Variants in TMEM132D observed in about 807,000 individuals in gnomAD.
TMEM132D encodes the protein mature OL transmembrane protein.
TMEM132D carries 21 observed loss-of-function variants against 62.3 expected under a neutral mutation model. That is an observed-to-expected ratio of 0.34 (90% confidence interval 0.24 to 0.49). The LOEUF is 0.49. Among genes scored for constraint, TMEM132D ranks in the 20% least tolerant of loss-of-function variants. The probability of loss-of-function intolerance (pLI) is 0.99; values close to 1 mark genes in which losing one functional copy is unlikely to be tolerated. For missense variants in TMEM132D, 1,346 were observed against 1,402.8 expected, an observed-to-expected ratio of 0.96 and a Z score of 0.65; for synonymous variants, 621 against 575.6, an observed-to-expected ratio of 1.08 and a Z score of -1.13.
chr12:129,897,068 A>G (rs1875164502), intron 1 of TMEM132D, among the ~76,000 whole-genome samples: 1 of 152,216 alleles, frequency 6.6e-6, no homozygotes, highest in African/African-American at 2.4e-5. Flanking sequence ...GGAAGCACCT[A>G]GCCTCTGACT....
At chr12:129,642,281 T>C (rs1027380946) in intron 2 of TMEM132D, among the ~76,000 whole-genome samples, 1 of 152,226 alleles carries the variant, frequency 6.6e-6, no homozygotes, top group Non-Finnish European at 1.5e-5. Flanking sequence ...CTAAAAACAG[T>C]ATCATCAGAT....
At chr12:129,682,859 T>TTAAAAAA (rs763532372) in intron 2 of TMEM132D, 2 of 81,270 alleles carry the variant, frequency 2.5e-5, no homozygotes, top group African/African-American at 1.0e-4. Flanking sequence ...ACTCCATCTC[T>TTAAAAAA]AAAAAAAAAA....
chr12:129,688,943 G>T lies in TMEM132D; in HGVS notation c.968+10867C>A, dbSNP rs527780945. ...TCTAGTCCAGGATTCTCTAACCAGA[G>T]GTTATTGCGTCCCTTGGGGATATCT... On this transcript the variant is annotated intron_variant, in intron 2 of 8. Transcript: ENST00000422113. 2.0e-5 allele frequency among the ~76,000 whole-genome samples: 3 copies of T among 152,198 alleles called. No individual in the cohort carries two copies. In the South Asian group the frequency reaches 6.2e-4, roughly 32 times the overall value.
chr12:129,725,635 C>A (rs1427136430), intron 1 of TMEM132D, among the ~76,000 whole-genome samples: 2 of 152,156 alleles, frequency 1.3e-5, no homozygotes, highest in African/African-American at 4.8e-5. Flanking sequence ...GTATGTGTGC[C>A]AATATATGTA....
intron 1 of TMEM132D, among the ~76,000 whole-genome samples, chr12:129,860,613 T>C (rs924472911): frequency 1.3e-5 from 2 of 152,244 alleles, no homozygotes; most frequent in Non-Finnish European, 2.9e-5. Context: ...TAATTTTATC[T>C]AGCTATGTCA....
intron 2 of TMEM132D, among the ~76,000 whole-genome samples, chr12:129,589,206 C>T (rs1404248064): frequency 6.6e-6 from 1 of 152,130 alleles, no homozygotes; most frequent in African/African-American, 2.4e-5. Context: ...TTACCCCATA[C>T]TGTTCTCATT....
intron 2 of TMEM132D, among the ~76,000 whole-genome samples, chr12:129,550,235 T>A (rs1593062271): frequency 4.4e-4 from 1 of 2,280 alleles, no homozygotes; most frequent in Non-Finnish European, 7.7e-4. Context: ...CATACTGGTA[T>A]TTTTTTTTCT....
chr12:129,600,346 C>T (rs887284677), intron 2 of TMEM132D, among the ~76,000 whole-genome samples: 2 of 152,216 alleles, frequency 1.3e-5, no homozygotes, highest in Admixed American at 1.3e-4. Context: ...GCTGTTTCCA[C>T]ACCTGCGGTG....
At chr12:129,826,499 G>C (rs757077985) in intron 1 of TMEM132D, among the ~76,000 whole-genome samples, 1 of 152,200 alleles carries the variant, frequency 6.6e-6, no homozygotes, top group Non-Finnish European at 1.5e-5. Context: ...TGCACTGAAT[G>C]AGTGCAGCCC....
chr12:129,732,931 C>G (rs1270664598), intron 1 of TMEM132D, among the ~76,000 whole-genome samples: 2 of 152,140 alleles, frequency 1.3e-5, no homozygotes, highest in Non-Finnish European at 2.9e-5. Flanking sequence ...TCTCTGGACA[C>G]CAAGGCTCCA....
intron 5 of TMEM132D, among the ~76,000 whole-genome samples, chr12:129,102,358 A>G (rs1236419617): frequency 1.3e-5 from 2 of 151,906 alleles, no homozygotes; most frequent in Non-Finnish European, 2.9e-5. Flanking sequence ...TCACATATGT[A>G]CGCATGCACA....
chr12:129,622,443 G>A (rs368122733), intron 2 of TMEM132D, among the ~76,000 whole-genome samples: 75 of 152,154 alleles, frequency 4.9e-4, no homozygotes, highest in African/African-American at 1.7e-3. Flanking sequence ...GATAAATTTT[G>A]GGGAACGTAT....
At chr12:129,089,965 A>G (rs1169673180) in intron 5 of TMEM132D, among the ~76,000 whole-genome samples, 1 of 152,216 alleles carries the variant, frequency 6.6e-6, no homozygotes. Context: ...TTAGCACTTA[A>G]AGGGGTGTGA....
intron 3 of TMEM132D, among the ~76,000 whole-genome samples, chr12:129,501,531 G>C (rs1348886924): frequency 6.6e-6 from 1 of 151,356 alleles, no homozygotes; most frequent in African/African-American, 2.4e-5. Context: ...TTTTGAGATG[G>C]GTGTCACTTT....
intron 3 of TMEM132D, among the ~76,000 whole-genome samples, chr12:129,407,631 G>A (rs1399331927): frequency 6.6e-6 from 1 of 152,086 alleles, no homozygotes; most frequent in Non-Finnish European, 1.5e-5. Context: ...TTTTGGCCGG[G>A]CATGGTGGCT....
rs1389364624 is a variant in TMEM132D at position 129,074,282 on chromosome 12, C to T, written c.2893G>A (p.Val965Ile). Residue 965 changes from valine to isoleucine, a missense_variant, in exon 9 of 9, where the codon GTT becomes ATT. By Grantham distance (29) the Val-to-Ile change is conservative. Transcript: ENST00000422113. ...AGCTCTGTCCGGTTGCTTAACCCAA[C>T]CCAGTCATGAGAGTGACTCATCCCT... ...QEGMSHSHDW[V>I]GLSNRTELLE... The T allele has an allele frequency of 6.2e-7, 1 of 1,613,996 alleles. No individual in the cohort carries two copies. The highest frequency in any genetic ancestry group is 1.3e-5 in the African/African-American group (1 of 74,888).
intron 5 of TMEM132D, among the ~76,000 whole-genome samples, chr12:129,105,775 TG>T (rs1875478724): frequency 6.6e-6 from 1 of 151,386 alleles, no homozygotes; most frequent in African/African-American, 2.5e-5. Context: ...CGACAGGTGC[TG>T]GAGAGGATGT....
At chr12:129,614,440 C>T (rs888099933) in intron 2 of TMEM132D, among the ~76,000 whole-genome samples, 12 of 152,156 alleles carry the variant, frequency 7.9e-5, no homozygotes, top group Admixed American at 2.6e-4. Flanking sequence ...AGTTCATTTG[C>T]AAAGGAGAAA....
chr12:129,475,351 C>T (rs10773669), intron 3 of TMEM132D, among the ~76,000 whole-genome samples: 32,770 of 152,058 alleles, frequency 0.22, 3,809 homozygotes, highest in East Asian at 0.38. Flanking sequence ...GGCATTCCAT[C>T]CTTGTGTGAA....
Sources: allele counts gnomAD v4.1 joint callset (sites outside exome capture counted in the v4.1 genomes callset), GRCh38; gene constraint gnomAD v4.1.1; transcripts MANE v1.5; gene names NCBI Gene and HGNC (gene_info 2026-07-23, HGNC 2026-07-21).